The following PRKCQ variants were observed in gnomAD, a reference collection of about 807,000 sequenced individuals.
The protein encoded by PRKCQ is protein kinase C theta.
A neutral mutation model predicts 91.2 loss-of-function variants in PRKCQ; 41 were observed. That is an observed-to-expected ratio of 0.45 (90% CI 0.35 to 0.58). The LOEUF is 0.58. PRKCQ is among the 20% of genes least tolerant of loss of function. The probability of loss-of-function intolerance (pLI) is 0.00; values close to 1 mark genes in which losing one functional copy is unlikely to be tolerated. For synonymous variants in PRKCQ, 307 were observed against 316.9 expected, an observed-to-expected ratio of 0.97 and a Z score of 0.33; for missense variants, 673 against 896.5, an observed-to-expected ratio of 0.75 and a Z score of 3.18.
At chr10:6,569,364 G>A (rs10906888) in intron 1 of PRKCQ, among the ~76,000 whole-genome samples, 74,391 of 151,706 alleles carry the variant, frequency 0.49, 22,355 homozygotes, top group Non-Finnish European at 0.65. Flanking sequence ...AGACGTCCAC[G>A]AGATGAGGGG....
At chr10:6,573,688 C>T (rs1380290592) in intron 1 of PRKCQ, among the ~76,000 whole-genome samples, 1 of 152,232 alleles carries the variant, frequency 6.6e-6, no homozygotes, top group Non-Finnish European at 1.5e-5. Context: ...GATTCTGCTT[C>T]TGCAGATATT....
chr10:6,493,645 A>G (rs1837440614), intron 7 of PRKCQ, among the ~76,000 whole-genome samples: 1 of 152,154 alleles, frequency 6.6e-6, no homozygotes, highest in African/African-American at 2.4e-5. Flanking sequence ...TGATTCAGAG[A>G]TTTGCGTTTT....
At chr10:6,472,235 G>A (rs1452168895) in intron 12 of PRKCQ, among the ~76,000 whole-genome samples, 2 of 152,038 alleles carry the variant, frequency 1.3e-5, no homozygotes, top group African/African-American at 4.8e-5. Flanking sequence ...GTGAACCCGG[G>A]AGGCAGAGCT....
intron 1 of PRKCQ, among the ~76,000 whole-genome samples, chr10:6,556,048 T>C (rs374981239): frequency 8.5e-5 from 13 of 152,132 alleles, no homozygotes; most frequent in African/African-American, 3.1e-4. Flanking sequence ...AACCAGGATA[T>C]GGTTTAGGAA....
the PRKCQ span, among the ~76,000 whole-genome samples, chr10:6,412,296 C>T: frequency 6.6e-6 from 1 of 152,094 alleles, no homozygotes; most frequent in Non-Finnish European, 1.5e-5. Flanking sequence ...TAGTTATCTT[C>T]GAATTCGCTT....
chr10:6,414,243 G>A, the PRKCQ span, among the ~76,000 whole-genome samples: 1 of 152,146 alleles, frequency 6.6e-6, no homozygotes, highest in African/African-American at 2.4e-5. Context: ...AAGCAGTGGG[G>A]AAAACTACCC....
intron 1 of PRKCQ, among the ~76,000 whole-genome samples, chr10:6,550,892 C>T (rs947485393): frequency 1.3e-5 from 2 of 152,192 alleles, no homozygotes; most frequent in Non-Finnish European, 1.5e-5. Context: ...GTTTTTTGAT[C>T]TAGCCATCCT....
In PRKCQ at chr10:6,456,688, A is replaced by G; in HGVS notation, c.1633T>C (p.Tyr545His). The change falls in exon 15 of 18, where the codon TAC becomes CAC. Residue 545 changes from tyrosine to histidine, a missense_variant. Coordinates refer to ENST00000263125, the MANE Select transcript of PRKCQ (RefSeq NM_006257.5). ...KTNTFCGTPD[Y>H]IAPEILLGQK... Reference sequence around the variant, plus strand: ...TGCATTCCTACCTCTGGGGCGATGTAGTCAGGTGTCCCACAGAAGGTATTC... The same window carrying G: ...TGCATTCCTACCTCTGGGGCGATGTGGTCAGGTGTCCCACAGAAGGTATTC... 1 of 1,614,162 alleles carries G rather than the reference A, an allele frequency of 6.2e-7. No homozygotes were observed. Among genetic ancestry groups the G allele is most frequent in the Non-Finnish European group, 8.5e-7 (1 of 1,179,994 alleles).
chr10:6,466,833 T>A (rs1004494183), intron 12 of PRKCQ, among the ~76,000 whole-genome samples: 1 of 152,090 alleles, frequency 6.6e-6, no homozygotes, highest in African/African-American at 2.4e-5. Flanking sequence ...TGGGCTGGCA[T>A]AGATAGAAAC....
intron 15 of PRKCQ, among the ~76,000 whole-genome samples, chr10:6,444,702 A>AT (rs908189686): frequency 1.6e-4 from 4 of 24,992 alleles, no homozygotes; most frequent in Non-Finnish European, 2.8e-4. Flanking sequence ...ACAGACACAC[A>AT]TAAATACACA....
chr10:6,574,811 T>A (rs766702455), intron 1 of PRKCQ, among the ~76,000 whole-genome samples: 14 of 152,206 alleles, frequency 9.2e-5, no homozygotes, highest in African/African-American at 1.4e-4. Flanking sequence ...ACTCACATGC[T>A]GCAGGGACAT....
chr10:6,457,501 C>T (rs1357379981), intron 14 of PRKCQ, among the ~76,000 whole-genome samples: 1 of 152,182 alleles, frequency 6.6e-6, no homozygotes, highest in Non-Finnish European at 1.5e-5. Flanking sequence ...AGATCAGGGA[C>T]TTCGCTCCTC....
intron 8 of PRKCQ, among the ~76,000 whole-genome samples, chr10:6,490,608 G>A (rs1837241001): frequency 6.6e-6 from 1 of 151,316 alleles, no homozygotes; most frequent in Non-Finnish European, 1.5e-5. Flanking sequence ...AAACAGGCAT[G>A]GTAGCACATG....
chr10:6,417,442 C>A, the PRKCQ span, among the ~76,000 whole-genome samples: 2 of 152,104 alleles, frequency 1.3e-5, no homozygotes, highest in Non-Finnish European at 1.5e-5. Flanking sequence ...CAGAGAAATT[C>A]TTTTCTTCTC....
chr10:6,400,134 T>C, the PRKCQ span, among the ~76,000 whole-genome samples: 70 of 152,356 alleles, frequency 4.6e-4, no homozygotes, highest in Admixed American at 4.2e-3. Context: ...ACTAGCCAGC[T>C]GGAGATGTCG....
At position 6,427,662 on chromosome 10, in the gene PRKCQ, T is replaced by TAAAG. The variant is rs1833182128; in HGVS notation, c.*541_*544dup. ...CTCAAGTTACAAGCTATGTTTATTG[T>TAAAG]AAAGAATTCCCATAAAAACCTATCC... On this transcript the variant is annotated 3_prime_UTR_variant, in exon 18 of 18. Transcript: ENST00000263125. 1.3e-5 allele frequency: 2 copies of TAAAG among 152,490 alleles called. No homozygotes were observed. The highest frequency in any genetic ancestry group is 4.8e-5 in the African/African-American group (2 of 41,246). The allele number at this position is 152,490 out of a possible 1,614,324, so 9.4% of individuals were successfully genotyped here.
intron 8 of PRKCQ, among the ~76,000 whole-genome samples, chr10:6,489,124 G>C (rs1213750858): frequency 6.6e-6 from 1 of 151,624 alleles, no homozygotes; most frequent in Non-Finnish European, 1.5e-5. Context: ...TCATGATTGT[G>C]CTCCAAATTC....
intron 5 of PRKCQ, among the ~76,000 whole-genome samples, chr10:6,498,146 T>C (rs1353137281): frequency 6.6e-6 from 1 of 151,920 alleles, no homozygotes; most frequent in Non-Finnish European, 1.5e-5. Context: ...TTACCCCCAA[T>C]AGCCCCCCCA....
At chr10:6,409,738 T>C in the PRKCQ span, among the ~76,000 whole-genome samples, 1 of 152,228 alleles carries the variant, frequency 6.6e-6, no homozygotes, top group Non-Finnish European at 1.5e-5. Context: ...CAGAAGGTTT[T>C]TTTTTTATAG....
Sources: allele counts gnomAD v4.1 joint callset (sites outside exome capture counted in the v4.1 genomes callset), GRCh38; gene constraint gnomAD v4.1.1; transcripts MANE v1.5; gene names NCBI Gene and HGNC (gene_info 2026-07-23, HGNC 2026-07-21).